VRTN: variants seen among roughly 807,000 people sequenced by gnomAD.
VRTN encodes vertebrae development associated, also known as vertnin.
Under a neutral mutation model 18.2 loss-of-function variants are expected in VRTN, and 5 were observed. The ratio of observed to expected loss-of-function variants is 0.27; its 90% CI spans 0.14 to 0.58. VRTN has a LOEUF of 0.58. Ranked by LOEUF, VRTN falls within the 20% of genes least tolerant of loss-of-function variation. The pLI is 0.91. For missense variants in VRTN, 741 were observed against 939.4 expected (o/e 0.79, Z 2.76); for synonymous variants, 381 against 393.7 (o/e 0.97, Z 0.38).
intron 1 of VRTN, among the ~76,000 whole-genome samples, chr14:74,351,406 G>A (rs1294634346): frequency 1.3e-5 from 2 of 151,492 alleles, no homozygotes; most frequent in African/African-American, 4.9e-5. Flanking sequence ...GAAATATGGT[G>A]AGAGGTTATA....
intron 1 of VRTN, among the ~76,000 whole-genome samples, chr14:74,304,518 C>T (rs1327423827): frequency 6.6e-6 from 1 of 152,106 alleles, no homozygotes; most frequent in East Asian, 1.9e-4. Flanking sequence ...TCAACTTTGG[C>T]GCCATTAAGT....
chr14:74,326,998 C>T (rs1595167127), intron 1 of VRTN, among the ~76,000 whole-genome samples: 2 of 152,238 alleles, frequency 1.3e-5, no homozygotes, highest in South Asian at 4.1e-4. Context: ...AAGCTCCTTG[C>T]CTGTCACTTT....
intron 1 of VRTN, among the ~76,000 whole-genome samples, chr14:74,309,053 G>T (rs1003897157): frequency 1.3e-5 from 2 of 152,026 alleles, no homozygotes; most frequent in African/African-American, 4.8e-5. Context: ...CTCTTTAGGG[G>T]CTAGAAAACA....
At chr14:74,331,544 TTATATATATATATATA>T (rs1169929236) in intron 1 of VRTN, among the ~76,000 whole-genome samples, 1,487 of 43,456 alleles carry the variant, frequency 0.034, 59 homozygotes, top group African/African-American at 0.081. Context: ...AAAAAAAATT[TTATATATATATATATA>T]TATATATATA....
At chr14:74,306,145 C>CATACATATATATATATATATAT (rs2085347192) in intron 1 of VRTN, 3 of 94,604 alleles carry the variant, frequency 3.2e-5, no homozygotes, top group African/African-American at 1.3e-4. Context: ...TAAAAATATA[C>CATACATATATATATATATATAT]ATATATATAT....
intron 1 of VRTN, among the ~76,000 whole-genome samples, chr14:74,334,405 C>A (rs2085550226): frequency 6.6e-6 from 1 of 152,094 alleles, no homozygotes; most frequent in East Asian, 1.9e-4. Flanking sequence ...CGGTGGGTGC[C>A]TGTAGTCCCA....
At chr14:74,352,026 A>AT (rs1429969176) in intron 1 of VRTN, among the ~76,000 whole-genome samples, 1 of 146,432 alleles carries the variant, frequency 6.8e-6, no homozygotes, top group African/African-American at 2.5e-5. Context: ...TTTTTTTTGT[A>AT]TTTTTAGTAG....
rs10676222 is a variant in VRTN at position 74,314,394 on chromosome 14, C to CTTTTTTT, written c.-164+11232_-164+11238dup. On this transcript the variant is annotated intron_variant, in intron 1 of 2. Coordinates refer to the VRTN transcript ENST00000557177. Reference sequence around the variant, plus strand: ...CAAAAGACTCAAGAAAAAAACTGTTCTTTTTTTTTTTTTTTTTTTTGAGAT... The same window carrying CTTTTTTT: ...CAAAAGACTCAAGAAAAAAACTGTTCTTTTTTTTTTTTTTTTTTTTTTTTTTTGAGAT... Among the ~76,000 whole-genome samples the CTTTTTTT allele has an allele frequency of 1.7e-4, 18 of 108,776 alleles. 2 individuals carry two copies. The highest frequency in any genetic ancestry group is 8.4e-4 in the East Asian group (3 of 3,568). 71.4% of individuals were successfully genotyped at this position (108,776 alleles called of 152,430 possible). A position where few individuals can be genotyped will look rare whatever the true frequency, so the allele number is the denominator to read the frequency against.
intron 1 of VRTN, among the ~76,000 whole-genome samples, chr14:74,349,474 T>C (rs1278707244): frequency 6.6e-6 from 1 of 152,092 alleles, no homozygotes; most frequent in African/African-American, 2.4e-5. Flanking sequence ...TGGTGGCCCA[T>C]GTGCAGGTTG....
chr14:74,320,019 C>A (rs567086950), intron 1 of VRTN, among the ~76,000 whole-genome samples: 1 of 152,090 alleles, frequency 6.6e-6, no homozygotes, highest in South Asian at 2.1e-4. Flanking sequence ...GAGGTGGAGG[C>A]GGGAGGATTG....
At chr14:74,343,478 A>G (rs1182169453), upstream of VRTN, among the ~76,000 whole-genome samples, 1 of 152,192 alleles carries the variant, frequency 6.6e-6, no homozygotes, top group Non-Finnish European at 1.5e-5. Context: ...ACAAATTACT[A>G]TTACACATAC....
chr14:74,321,205 A>G lies in VRTN; in HGVS notation c.-163-16518A>G, dbSNP rs191393371. Among the ~76,000 whole-genome samples the G allele has an allele frequency of 1.5e-4, 23 of 152,314 alleles. No homozygotes were observed. The East Asian group carries it at 4.0e-3, about 27-fold the overall frequency. ...ATCAAGGATGGAAAGCTGTTACAAC[A>G]CATTTGTAGGCTGCAGGGAAGGTGT... On this transcript the variant is annotated intron_variant, in intron 1 of 2. Transcript: ENST00000557177.
chr14:74,314,528 C>T (rs1158178600), intron 1 of VRTN, among the ~76,000 whole-genome samples: 1 of 150,686 alleles, frequency 6.6e-6, no homozygotes, highest in Non-Finnish European at 1.5e-5. Flanking sequence ...TCCTGAGTAG[C>T]TGGGACTACA....
intron 1 of VRTN, among the ~76,000 whole-genome samples, chr14:74,348,998 G>A (rs942447894): frequency 6.6e-6 from 1 of 150,398 alleles, no homozygotes; most frequent in East Asian, 2.0e-4. Context: ...CTGGAGCCCC[G>A]GACCTGCCAG....
upstream of VRTN, among the ~76,000 whole-genome samples, chr14:74,348,185 T>G (rs966366955): frequency 3.9e-5 from 6 of 152,160 alleles, no homozygotes; most frequent in African/African-American, 1.4e-4. Flanking sequence ...TTTCTTCCCC[T>G]AGGTCTTTCG....
rs1043625574 is a variant in VRTN at position 74,357,414 on chromosome 14, T to C, written c.631T>C (p.Cys211Arg). 6.2e-7 allele frequency: 1 copy of C among 1,612,796 alleles called. No homozygotes were observed. The highest frequency in any genetic ancestry group is 8.5e-7 in the Non-Finnish European group (1 of 1,179,998). The change falls in exon 2 of 2, where the codon TGC becomes CGC. Residue 211 changes from cysteine to arginine, a missense_variant. Physicochemically the swap from Cys to Arg is radical, Grantham distance 180. Around this residue, in one of 3 missense-constraint regions of VRTN, gnomAD observed 186 missense variants for 288.3 expected, o/e 0.65. Transcript: ENST00000256362. The surrounding 1 kb of genome is among the most constrained non-coding windows in gnomAD (Gnocchi z 7.8). ...YFNRVIRPRR[C>R]DHVPSTLHIM... ...CAACCGTGTCATCCGGCCCCGCCGC[T>C]GCGACCACGTGCCCTCCACGCTGCA...
chr14:74,338,993 G>C (rs2140205467), intron 2 of VRTN, among the ~76,000 whole-genome samples: 1 of 152,158 alleles, frequency 6.6e-6, no homozygotes, highest in South Asian at 2.1e-4. Context: ...CCAAAGAGCT[G>C]GGATTACAAG....
chr14:74,304,249 C>T (rs143665369), intron 1 of VRTN, among the ~76,000 whole-genome samples: 181 of 151,924 alleles, frequency 1.2e-3, no homozygotes, highest in African/African-American at 4.3e-3. Context: ...CTGTGCCTCC[C>T]GGGTTCAAGC....
chr14:74,358,192 G>C lies in VRTN; in HGVS notation c.1409G>C (p.Gly470Ala), dbSNP rs761869262. Residue 470 changes from glycine (G) to alanine (A), a missense_variant, in exon 2 of 2, where the codon GGG becomes GCG. Physicochemically the swap from Gly to Ala is moderately conservative, Grantham distance 60. Around this residue, in one of 3 missense-constraint regions of VRTN, gnomAD observed 494 missense variants for 546.5 expected, o/e 0.90. Coordinates refer to ENST00000256362, the MANE Select transcript of VRTN (RefSeq NM_018228.3). This position sits in a 1 kb window ranked among gnomAD's most constrained non-coding sequence, Gnocchi z 5.4. Reference protein sequence around the residue: ...GTPQLASVGEGAVIPWKSEAE... With the variant: ...GTPQLASVGEAAVIPWKSEAE... ...CCCCAGCTAGCATCTGTTGGGGAAG[G>C]GGCTGTAATTCCTTGGAAGAGTGAG... The C allele has an allele frequency of 8.1e-6, 13 of 1,613,604 alleles. No homozygotes were observed. The East Asian group carries it at 2.7e-4, about 33-fold the overall frequency.
Sources: allele counts gnomAD v4.1 joint callset (sites outside exome capture counted in the v4.1 genomes callset), GRCh38; gene constraint gnomAD v4.1.1; regional missense constraint gnomAD v4.1.1; non-coding constraint Gnocchi (gnomAD v3.1); transcripts MANE v1.5; gene names NCBI Gene and HGNC (gene_info 2026-07-23, HGNC 2026-07-21).